Variants in STRN3 observed in about 807,000 individuals in gnomAD.
The protein encoded by STRN3 is striatin-3.
A neutral mutation model predicts 95.6 loss-of-function variants in STRN3; 29 were observed. The observed-to-expected ratio is 0.30, with a 90% confidence interval of 0.23 to 0.41. The LOEUF (loss-of-function observed/expected upper bound fraction) is 0.41, where lower values mean the gene tolerates loss of function less well. Among genes scored for constraint, STRN3 ranks in the 10% least tolerant of loss-of-function variants. The probability of loss-of-function intolerance (pLI) is 1.00; values close to 1 mark genes in which losing one functional copy is unlikely to be tolerated. For synonymous variants in STRN3, 331 were observed against 357.6 expected, an observed-to-expected ratio of 0.93 and a Z score of 0.84; for missense variants, 890 against 972.1, an observed-to-expected ratio of 0.92 and a Z score of 1.12.
intron 1 of STRN3, among the ~76,000 whole-genome samples, chr14:30,994,669 A>C (rs1456293286): frequency 6.6e-6 from 1 of 152,256 alleles, no homozygotes; most frequent in Non-Finnish European, 1.5e-5. Flanking sequence ...TTAAAAAAAC[A>C]GGTGATGTGG....
Position 30,905,446 on chromosome 14 carries a change from CA to C in STRN3, c.2000del (p.Leu667TrpfsTer2). Reference sequence around the variant, plus strand: ...AATCTACCTGTGATGAAAGTATCACCAATGACTGTGATGTTTCTAAATCATA... The same window carrying C: ...AATCTACCTGTGATGAAAGTATCACCATGACTGTGATGTTTCTAAATCATA... Reference protein sequence around the residue: ...VIYDLETSQSLVILSSQVDSG... With the variant: ...VIYDLETSQSXVILSSQVDSG... On this transcript the variant is annotated frameshift_variant, in exon 15 of 18. Transcript: ENST00000357479. LOFTEE classifies it high-confidence loss of function. 1 of 1,605,544 alleles carries C rather than the reference CA, an allele frequency of 6.2e-7. No individual in the cohort carries two copies. The highest frequency in any genetic ancestry group is 8.5e-7 in the Non-Finnish European group (1 of 1,177,002).
At chr14:30,997,673 G>A (rs541123219) in intron 1 of STRN3, among the ~76,000 whole-genome samples, 153 of 152,120 alleles carry the variant, frequency 1.0e-3, no homozygotes, top group South Asian at 2.3e-3. Flanking sequence ...GAACTTCTTC[G>A]ATGTCTCCTC....
intron 1 of STRN3, among the ~76,000 whole-genome samples, chr14:31,024,405 T>A (rs1316728774): frequency 2.0e-5 from 3 of 152,226 alleles, no homozygotes; most frequent in Non-Finnish European, 4.4e-5. Context: ...CTATAAATTT[T>A]AAGTATGTTA....
chr14:30,957,557 T>C (rs1004707242), intron 1 of STRN3, among the ~76,000 whole-genome samples: 3 of 152,138 alleles, frequency 2.0e-5, no homozygotes, highest in Non-Finnish European at 4.4e-5. Context: ...GTAAATGCCA[T>C]ACTATTACAA....
chr14:31,012,787 G>T (rs888018324), intron 1 of STRN3, among the ~76,000 whole-genome samples: 5 of 151,936 alleles, frequency 3.3e-5, no homozygotes, highest in African/African-American at 1.2e-4. Flanking sequence ...CCAGTGACTT[G>T]GGAGGCTGAG....
At chr14:30,964,143 A>G (rs1247131799) in intron 1 of STRN3, among the ~76,000 whole-genome samples, 1 of 152,094 alleles carries the variant, frequency 6.6e-6, no homozygotes, top group Non-Finnish European at 1.5e-5. Flanking sequence ...TCTCAGCTAT[A>G]CGAGAGGGTG....
chr14:31,025,145 C>G (rs1247662599), intron 1 of STRN3: 1 of 152,070 alleles, frequency 6.6e-6, no homozygotes, highest in African/African-American at 2.4e-5. Context: ...CATCGATCGT[C>G]TGGTTTGGTT....
At chr14:30,951,421 G>A (rs1003663268) in intron 3 of STRN3, among the ~76,000 whole-genome samples, 1 of 151,972 alleles carries the variant, frequency 6.6e-6, no homozygotes, top group African/African-American at 2.4e-5. Flanking sequence ...TTGAAGAGAT[G>A]AGGTTTTGCC....
chr14:30,920,602 T>TA (rs1896854823), intron 8 of STRN3, among the ~76,000 whole-genome samples: 1 of 152,120 alleles, frequency 6.6e-6, no homozygotes, highest in South Asian at 2.1e-4. Flanking sequence ...GGGCTGGTTT[T>TA]AAAAAAGAAT....
rs1566503641 is a variant in STRN3, at chr14:31,026,130, C to T, written c.56G>A (p.Arg19Gln). ...GTTCCCCCCAGGTCCCTGCTGCTGC[C>T]GGGGAGGGGCCGCCATCCCCGGGCC... ...GGGPGMAAPP[R>Q]QQQGPGGNLG... Residue 19 changes from arginine (R) to glutamine (Q), a missense_variant, in exon 1 of 18, where the codon CGG becomes CAG. Arg to Gln is a conservative substitution (Grantham distance 43). Coordinates refer to ENST00000357479, the MANE Select transcript of STRN3 (RefSeq NM_001083893.2). 1.3e-6 allele frequency: 2 copies of T among 1,497,438 alleles called. No homozygotes were observed. The highest frequency in any genetic ancestry group is 1.8e-6 in the Non-Finnish European group (2 of 1,129,390). 92.8% of individuals were successfully genotyped at this position (1,497,438 alleles called of 1,614,324 possible).
intron 1 of STRN3, among the ~76,000 whole-genome samples, chr14:30,977,511 G>A (rs866439036): frequency 1.3e-5 from 2 of 151,750 alleles, no homozygotes; most frequent in Non-Finnish European, 1.5e-5. Flanking sequence ...GGCCGGGCAT[G>A]GTGGCTCAAT....
At chr14:30,994,831 T>C (rs1430844153) in intron 1 of STRN3, among the ~76,000 whole-genome samples, 1 of 152,238 alleles carries the variant, frequency 6.6e-6, no homozygotes, top group Admixed American at 6.5e-5. Context: ...TAATGCCACA[T>C]ATTACAAAAT....
chr14:30,959,457 C>T (rs76516408), intron 1 of STRN3, among the ~76,000 whole-genome samples: 14,532 of 152,078 alleles, frequency 0.096, 751 homozygotes, highest in South Asian at 0.16. Context: ...CATATCATCA[C>T]GTATCTAGAG....
intron 8 of STRN3, among the ~76,000 whole-genome samples, chr14:30,924,216 A>AG (rs1452188318): frequency 4.3e-5 from 4 of 92,606 alleles, no homozygotes; most frequent in Non-Finnish European, 6.2e-5. Flanking sequence ...ACTACTCAAA[A>AG]AAAAAAAAAC....
At chr14:31,009,488 CGCCCCAGT>C (rs1354868283) in intron 1 of STRN3, among the ~76,000 whole-genome samples, 3 of 151,782 alleles carry the variant, frequency 2.0e-5, no homozygotes, top group Non-Finnish European at 4.4e-5. Context: ...CCCGCCCCCG[CGCCCCAGT>C]TGAAAACCAC....
chr14:30,922,473 C>G (rs1415544838), intron 8 of STRN3, among the ~76,000 whole-genome samples: 1 of 152,178 alleles, frequency 6.6e-6, no homozygotes, highest in Admixed American at 6.5e-5. Flanking sequence ...ACTACTGTTA[C>G]ATTTTCAAAT....
chr14:30,913,025 T>A (rs961483809), intron 10 of STRN3, among the ~76,000 whole-genome samples: 2 of 152,050 alleles, frequency 1.3e-5, no homozygotes, highest in African/African-American at 4.8e-5. Flanking sequence ...AACACTGGAC[T>A]CCCCACTCCC....
chr14:30,942,312 C>T (rs1031190528), intron 5 of STRN3, among the ~76,000 whole-genome samples: 6 of 152,134 alleles, frequency 3.9e-5, no homozygotes, highest in Non-Finnish European at 7.3e-5. Flanking sequence ...TGACTTTAAC[C>T]TACCATATTT....
At chr14:30,947,752 A>G (rs1348445339) in intron 4 of STRN3, among the ~76,000 whole-genome samples, 1 of 152,190 alleles carries the variant, frequency 6.6e-6, no homozygotes, top group Admixed American at 6.5e-5. Context: ...TTCTCCTTCT[A>G]GGATCTAAGA....
Sources: allele counts gnomAD v4.1 joint callset (sites outside exome capture counted in the v4.1 genomes callset), GRCh38; gene constraint gnomAD v4.1.1; transcripts MANE v1.5; gene names NCBI Gene and HGNC (gene_info 2026-07-23, HGNC 2026-07-21).